ZNF564: variants seen among roughly 807,000 people sequenced by gnomAD.
ZNF564 encodes the protein zinc finger protein 564.
A neutral mutation model predicts 10.5 loss-of-function variants in ZNF564; 5 were observed. That is an observed-to-expected ratio of 0.48 (90% CI 0.25 to 1.00). ZNF564 has a LOEUF of 1.00. ZNF564 is among the 50% of genes least tolerant of loss of function. The pLI, the probability that ZNF564 is intolerant of heterozygous loss-of-function variation, is 0.16. For missense variants in ZNF564, 603 were observed against 669.7 expected, an observed-to-expected ratio of 0.90 and a Z score of 1.10; for synonymous variants, 242 against 218.1, an observed-to-expected ratio of 1.11 and a Z score of -0.97.
chr19:12,531,819 T>C (rs961499501), intron 1 of ZNF564, among the ~76,000 whole-genome samples: 1 of 152,176 alleles, frequency 6.6e-6, no homozygotes, highest in African/African-American at 2.4e-5. Context: ...TAGATATTAA[T>C]ACAACTGTAT....
rs1435240159 is a variant in ZNF564, at chr19:12,525,705, C to T, written c.*741G>A. ...AGCTTGGGTTGCTAAAACAAAATAC[C>T]ATAAATTGGAAAGCTTAATTAATCA... On this transcript the variant is annotated 3_prime_UTR_variant, in exon 4 of 4. Coordinates refer to ENST00000339282, the MANE Select transcript of ZNF564 (RefSeq NM_144976.4). 1 of 152,090 alleles carries T rather than the reference C, an allele frequency of 6.6e-6. No homozygotes were observed. The highest frequency in any genetic ancestry group is 1.5e-5 in the Non-Finnish European group (1 of 68,026). The allele number at this position is 152,090 out of a possible 1,614,324, so 9.4% of individuals were successfully genotyped here.
intron 1 of ZNF564, among the ~76,000 whole-genome samples, chr19:12,547,919 C>A (rs535014166): frequency 3.3e-5 from 5 of 151,026 alleles, no homozygotes; most frequent in African/African-American, 1.2e-4. Context: ...TCAAGCAATT[C>A]TCCTGCCTCA....
chr19:12,551,119 G>T (rs1385933476), intron 1 of ZNF564, among the ~76,000 whole-genome samples: 1 of 152,280 alleles, frequency 6.6e-6, no homozygotes, highest in African/African-American at 2.4e-5. Flanking sequence ...GGCCGCAGTC[G>T]CCGCGCAGGG....
chr19:12,532,064 G>A (rs1428384121), intron 1 of ZNF564, among the ~76,000 whole-genome samples: 2 of 152,104 alleles, frequency 1.3e-5, no homozygotes, highest in Non-Finnish European at 2.9e-5. Flanking sequence ...AAAACACAGA[G>A]ATAAGCCAGG....
chr19:12,549,723 T>C (rs551895809), intron 1 of ZNF564, among the ~76,000 whole-genome samples: 2 of 152,122 alleles, frequency 1.3e-5, no homozygotes, highest in East Asian at 3.9e-4. Context: ...TCCTCCCACC[T>C]CAGGGCATAC....
At chr19:12,538,037 G>A (rs537724716) in intron 1 of ZNF564, among the ~76,000 whole-genome samples, 21 of 151,862 alleles carry the variant, frequency 1.4e-4, no homozygotes, top group South Asian at 2.1e-4. Context: ...GTACTATGGC[G>A]AATAGTAGTG....
At chr19:12,544,138 T>C (rs564841616) in intron 1 of ZNF564, among the ~76,000 whole-genome samples, 9 of 152,294 alleles carry the variant, frequency 5.9e-5, no homozygotes, top group African/African-American at 2.2e-4. Flanking sequence ...ACTAAGACAG[T>C]ACAGCACTTT....
intron 1 of ZNF564, among the ~76,000 whole-genome samples, chr19:12,535,971 C>T (rs575430649): frequency 1.7e-4 from 24 of 145,286 alleles, no homozygotes; most frequent in African/African-American, 5.9e-4. Context: ...TGAGACTGTG[C>T]GACTGCATTC....
At chr19:12,534,093 T>C (rs923039671) in intron 1 of ZNF564, among the ~76,000 whole-genome samples, 1 of 152,122 alleles carries the variant, frequency 6.6e-6, no homozygotes, top group Admixed American at 6.6e-5. Flanking sequence ...AACCTGCAGC[T>C]AACATCATAC....
At chr19:12,550,332 T>TA (rs1248015845) in intron 1 of ZNF564, 2 of 147,328 alleles carry the variant, frequency 1.4e-5, no homozygotes, top group Non-Finnish European at 3.0e-5. Flanking sequence ...GTCAGGTTCT[T>TA]ATTCTCCGTT....
chr19:12,550,963 G>A (rs1227970674), intron 1 of ZNF564, among the ~76,000 whole-genome samples: 1 of 152,234 alleles, frequency 6.6e-6, no homozygotes, highest in African/African-American at 2.4e-5. Context: ...GTACTGGGAA[G>A]GCCACAGCCC....
intron 1 of ZNF564, chr19:12,548,760 A>G: frequency 2.9e-6 from 2 of 700,206 alleles, no homozygotes; most frequent in Non-Finnish European, 5.2e-6. Context: ...TAATTCACTA[A>G]TATTTAATAT....
chr19:12,540,786 A>G (rs375548043), intron 1 of ZNF564, among the ~76,000 whole-genome samples: 35 of 151,980 alleles, frequency 2.3e-4, no homozygotes, highest in East Asian at 7.8e-4. Context: ...CTCGGGAGGC[A>G]GAGCTTGCAG....
chr19:12,527,697 T>C lies in ZNF564; in HGVS notation c.411A>G (p.Gly137=). ...ACTGCTTACATTTATATGGTTTCTC[T>C]CCATATTCCTGATAGTCATATGGTT... ...GHKPYDYQEY[G]EKPYKCKQCG... is the part of the protein sequence containing the mutation. Residue 137 remains glycine, a synonymous_variant, in exon 4 of 4, where the codon GGA becomes GGG. Transcript: ENST00000339282. 1 of 1,614,174 alleles carries C rather than the reference T, an allele frequency of 6.2e-7. No individual in the cohort carries two copies. Among genetic ancestry groups the C allele is most frequent in the South Asian group, 1.1e-5 (1 of 91,084 alleles).
chr19:12,548,696 A>G, intron 1 of ZNF564: 1 of 673,720 alleles, frequency 1.5e-6, no homozygotes, highest in Non-Finnish European at 2.7e-6. Flanking sequence ...TCCCTTTCAG[A>G]CAATAGAGAC....
At chr19:12,536,472 TG>T (rs1397247310) in intron 1 of ZNF564, among the ~76,000 whole-genome samples, 1 of 152,208 alleles carries the variant, frequency 6.6e-6, no homozygotes, top group African/African-American at 2.4e-5. Context: ...CCACCACGCC[TG>T]GCCCATATCA....
chr19:12,550,660 G>GA lies in ZNF564; in HGVS notation c.3+669dup, dbSNP rs112461690. 3.1e-3 allele frequency: 464 copies of GA among 149,300 alleles called. 2 individuals are homozygous for GA. Among genetic ancestry groups the GA allele is most frequent in the South Asian group, 0.018 (109 of 6,136 alleles). 9.2% of individuals were successfully genotyped at this position (149,300 alleles called of 1,614,324 possible). On this transcript the variant is annotated intron_variant, in intron 1 of 3. Coordinates refer to ENST00000339282, the MANE Select transcript of ZNF564 (RefSeq NM_144976.4). ...GACAGAGCGAAACTCTGTCTGAAAA[G>GA]AAAAAAAAAACAACAAACAGAAAAC...
chr19:12,533,727 CAAAAA>C (rs59631972), intron 1 of ZNF564, among the ~76,000 whole-genome samples: 66 of 29,168 alleles, frequency 2.3e-3, no homozygotes, highest in African/African-American at 0.01. Context: ...CTGCTGTCTC[CAAAAA>C]AAAAAAAAAA....
chr19:12,527,464 T>G lies in ZNF564; in HGVS notation c.644A>C (p.His215Pro). ...TTTCTCTCCAGTGTGAGTTCTTTCA[T>G]GTATCTGAAATAAACTTGGGCGATC... is the stretch of plus-strand genomic sequence containing the variant. Reference protein sequence around the residue: ...AFDRPSLFQIHERTHTGEKPY... With the variant: ...AFDRPSLFQIPERTHTGEKPY... The change falls in exon 4 of 4, where the codon CAT (histidine) becomes CCT (proline). Residue 215 changes from histidine to proline, a missense_variant. His to Pro is a moderately conservative substitution (Grantham distance 77). Coordinates refer to ENST00000339282, the MANE Select transcript of ZNF564 (RefSeq NM_144976.4). The G allele has an allele frequency of 6.2e-7, 1 of 1,614,158 alleles. No individual in the cohort carries two copies. Among genetic ancestry groups the G allele is most frequent in the Non-Finnish European group, 8.5e-7 (1 of 1,179,996 alleles).
Sources: gnomAD v4.1 joint callset for allele counts (sites outside exome capture counted in the v4.1 genomes callset) on GRCh38, gnomAD v4.1.1 for gene constraint, MANE v1.5 for transcripts, NCBI Gene and HGNC (gene_info 2026-07-23, HGNC 2026-07-21) for gene names.